The following LMBRD2 variants were observed in gnomAD, a reference collection of about 807,000 sequenced individuals.
The protein encoded by LMBRD2 is G protein-coupled receptor-associated protein LMBRD2.
A neutral mutation model predicts 94.4 loss-of-function variants in LMBRD2; 55 were observed. That is an observed-to-expected ratio of 0.58 (90% CI 0.47 to 0.73). The LOEUF (loss-of-function observed/expected upper bound fraction) is 0.73. Among genes scored for constraint, LMBRD2 ranks in the 30% least tolerant of loss-of-function variants. The pLI, the probability that LMBRD2 is intolerant of heterozygous loss-of-function variation, is 0.00. For synonymous variants in LMBRD2, 246 were observed against 272.4 expected (o/e 0.90, Z 0.95); for missense variants, 640 against 831.9 (o/e 0.77, Z 2.84).
At chr5:36,143,069 A>C (rs1014759457) in intron 2 of LMBRD2, 107 bp downstream of exon 2, 6 of 830,448 alleles carry the variant, frequency 7.2e-6, no homozygotes, top group Non-Finnish European at 1.1e-5. Context: ...TAATCTTTTA[A>C]TTCAAAACTG....
At position 36,137,290 on chromosome 5, in the gene LMBRD2, G is replaced by A; in HGVS notation, c.520C>T (p.His174Tyr). The change falls in exon 5 of 18, where the codon CAT (histidine) becomes TAT (tyrosine). Residue 174 changes from histidine (H) to tyrosine (Y), a missense_variant. By Grantham distance (83) the His-to-Tyr change is moderately conservative. This residue lies in a region of LMBRD2 where 457 missense variants were observed against 642.8 expected (regional missense o/e 0.71). Transcript: ENST00000296603. ...TTTTCTTACCATTCTAAATGTAAAT[G>A]TGGGTTTACAGCTACATAAATTAAA... ...AFLIYVAVNP[H>Y]LHLEWNQLQT... The A allele has an allele frequency of 1.3e-6, 2 of 1,584,760 alleles. No homozygotes were observed. Among genetic ancestry groups the A allele is most frequent in the Non-Finnish European group, 1.7e-6 (2 of 1,159,988 alleles).
In LMBRD2 at chr5:36,119,968, T is replaced by G. The variant is rs16902748; in HGVS notation, c.1121-2052A>C. ...TTGTCTTAGAAATTCTCTATTGTCT[T>G]ATCAAATTCTATGAATTTTTTCTTT... On this transcript the variant is annotated intron_variant, in intron 9 of 17. Coordinates refer to ENST00000296603, the MANE Select transcript of LMBRD2 (RefSeq NM_001007527.2). Among the ~76,000 whole-genome samples the G allele has an allele frequency of 8.2e-3, 1,244 of 152,272 alleles. 23 individuals carry two copies. The highest frequency in any genetic ancestry group is 0.029 in the African/African-American group (1,209 of 41,524).
At position 36,141,138 on chromosome 5, in the gene LMBRD2, C is replaced by T. The variant is rs1270352557; in HGVS notation, c.337G>A (p.Val113Ile). The T allele has an allele frequency of 1.2e-6, 2 of 1,608,838 alleles. No homozygotes were observed. Among genetic ancestry groups the T allele is most frequent in the South Asian group, 1.1e-5 (1 of 90,774 alleles). The part of the protein sequence containing the change: ...PDGIMPIFWR[V>I]VYWTSQFLTW... ...AAAAATTGTGACGTCCAATACACTA[C>T]CCTCCAGAAAATTGGCATGATTCCA... Residue 113 changes from valine (V) to isoleucine (I), a missense_variant, in exon 4 of 18, where the codon GTA becomes ATA. By Grantham distance (29) the Val-to-Ile change is conservative. This residue lies in a region of LMBRD2 where 457 missense variants were observed against 642.8 expected (regional missense o/e 0.71). Transcript: ENST00000296603.
At chr5:36,148,312 C>A (rs116377317) in intron 1 of LMBRD2, among the ~76,000 whole-genome samples, 83 of 151,592 alleles carry the variant, frequency 5.5e-4, no homozygotes, top group Non-Finnish European at 8.1e-4. Flanking sequence ...GCGAACCAAC[C>A]AGGTAACCTG....
chr5:36,104,297 C>T (rs141818179), intron 17 of LMBRD2, among the ~76,000 whole-genome samples, 191 bp from the exon 18 acceptor site: 172 of 151,934 alleles, frequency 1.1e-3, no homozygotes, highest in East Asian at 8.7e-3. Flanking sequence ...CAACCAGCAA[C>T]GGTTTTAGAC....
rs763778332 is a variant in LMBRD2 at position 36,122,871 on chromosome 5, T to G, written c.913A>C (p.Ser305Arg). ...ACCTGTTTATGCAGTTTTACCAGAC[T>G]TTTTTCACTTGGATAGATACTATGC... is the stretch of plus-strand genomic sequence containing the variant. ...EKHSIYPSEK[S>R]LVKLHKQVIY... The change falls in exon 8 of 18, where the codon AGT becomes CGT. Residue 305 changes from serine (S) to arginine (R), a missense_variant. Physicochemically the swap from Ser to Arg is moderately radical, Grantham distance 110. This residue lies in a region of LMBRD2 where 457 missense variants were observed against 642.8 expected (regional missense o/e 0.71). Coordinates refer to ENST00000296603, the MANE Select transcript of LMBRD2 (RefSeq NM_001007527.2). The G allele has an allele frequency of 1.9e-6, 3 of 1,595,106 alleles. No homozygotes were observed. Among genetic ancestry groups the G allele is most frequent in the East Asian group, 4.5e-5 (2 of 44,040 alleles).
At position 36,136,474 on chromosome 5, in the gene LMBRD2, A is replaced by G. The variant is rs756526842; in HGVS notation, c.582T>C (p.Gly194=). Residue 194 remains glycine (G), a synonymous_variant, in exon 6 of 18, where the codon GGT becomes GGC. Coordinates refer to ENST00000296603, the MANE Select transcript of LMBRD2 (RefSeq NM_001007527.2). The part of the protein sequence containing the change: ...TIGIAAANTW[G]LFLLVLLLGY... ...CCAACAACAACACAAGAAGAAACAG[A>G]CCCCATGTATTTGCAGCAGCTATCC... The G allele has an allele frequency of 1.2e-6, 2 of 1,613,852 alleles. No homozygotes were observed. Among genetic ancestry groups the G allele is most frequent in the Admixed American group, 1.7e-5 (1 of 59,968 alleles).
intron 6 of LMBRD2, among the ~76,000 whole-genome samples, chr5:36,129,038 T>C (rs1440872133): frequency 6.6e-6 from 1 of 152,096 alleles, no homozygotes; most frequent in African/African-American, 2.4e-5. Context: ...ACTTGAAAAT[T>C]TGGCTATTTG....
Position 36,099,079 on chromosome 5 carries a change from A to G in LMBRD2, c.*4967T>C, listed in dbSNP as rs1051987851. On this transcript the variant is annotated 3_prime_UTR_variant, in exon 18 of 18. Coordinates refer to ENST00000296603, the MANE Select transcript of LMBRD2 (RefSeq NM_001007527.2). Reference sequence around the variant, plus strand: ...GAAATTAGGTTTTTGGTATATTAATAATTTGCTTGTGTATTGGTATATATA... The same window carrying G: ...GAAATTAGGTTTTTGGTATATTAATGATTTGCTTGTGTATTGGTATATATA... 1 of 152,070 alleles carries G rather than the reference A, an allele frequency of 6.6e-6. No homozygotes were observed. The highest frequency in any genetic ancestry group is 2.4e-5 in the African/African-American group (1 of 41,446). The allele number at this position is 152,070 out of a possible 1,614,324, so 9.4% of individuals were successfully genotyped here.
rs1014516701 is a variant in LMBRD2 at position 36,100,718 on chromosome 5, C to G, written c.*3328G>C. 9.9e-5 allele frequency: 15 copies of G among 151,950 alleles called. No homozygotes were observed. Among genetic ancestry groups the G allele is most frequent in the Admixed American group, 6.6e-5 (1 of 15,224 alleles). 9.4% of individuals were successfully genotyped at this position (151,950 alleles called of 1,614,324 possible). On this transcript the variant is annotated 3_prime_UTR_variant, in exon 18 of 18. Transcript: ENST00000296603. ...TATACTTGTAATTTTTAGGCATAATCCACTCAAATCACAAGTAAGAAACTC... is the reference window on the plus strand; with the variant it reads ...TATACTTGTAATTTTTAGGCATAATGCACTCAAATCACAAGTAAGAAACTC...
At chr5:36,107,477 T>G (rs2111842181) in intron 16 of LMBRD2, among the ~76,000 whole-genome samples, 1 of 152,344 alleles carries the variant, frequency 6.6e-6, no homozygotes, top group South Asian at 2.1e-4. Flanking sequence ...AAATCATAGT[T>G]TTATGCCCAG....
Position 36,102,238 on chromosome 5 carries a change from A to G in LMBRD2, c.*1808T>C, listed in dbSNP as rs992669910. The G allele has an allele frequency of 1.4e-4, 21 of 151,916 alleles. No homozygotes were observed. Among genetic ancestry groups the G allele is most frequent in the Non-Finnish European group, 1.5e-5 (1 of 67,830 alleles). The allele number at this position is 151,916 out of a possible 1,614,324, so 9.4% of individuals were successfully genotyped here. A position where few individuals can be genotyped will look rare whatever the true frequency, so the allele number is the denominator to read the frequency against. On this transcript the variant is annotated 3_prime_UTR_variant, in exon 18 of 18. Transcript: ENST00000296603. ...CAGTTATAAACTCCAGTACATAAAC[A>G]CCAATTCAACTTCCTCACAATGGCT...
chr5:36,121,090 A>G (rs183230527), intron 9 of LMBRD2, among the ~76,000 whole-genome samples: 276 of 152,306 alleles, frequency 1.8e-3, no homozygotes, highest in African/African-American at 6.1e-3. Flanking sequence ...TTGAATTTCA[A>G]TTTCTATAAT....
intron 4 of LMBRD2, among the ~76,000 whole-genome samples, chr5:36,139,259 C>T (rs1228418293): frequency 6.6e-6 from 1 of 152,258 alleles, no homozygotes; most frequent in Non-Finnish European, 1.5e-5. Context: ...CAGGGCAGCA[C>T]TGACACCAGC....
intron 6 of LMBRD2, among the ~76,000 whole-genome samples, chr5:36,133,878 AT>A (rs1346935678): frequency 6.6e-6 from 1 of 152,176 alleles, no homozygotes; most frequent in Non-Finnish European, 1.5e-5. Flanking sequence ...TCTAGGGAAA[AT>A]CCATAACTCA....
At chr5:36,107,085 C>A (rs1360674179) in intron 16 of LMBRD2, among the ~76,000 whole-genome samples, 1 of 152,144 alleles carries the variant, frequency 6.6e-6, no homozygotes, top group Non-Finnish European at 1.5e-5. Flanking sequence ...AATCCCCAAG[C>A]TGAATTCCTT....
chr5:36,111,417 C>A (rs1743602878), intron 13 of LMBRD2, among the ~76,000 whole-genome samples, 159 bp from the exon 14 acceptor site: 1 of 152,014 alleles, frequency 6.6e-6, no homozygotes, highest in Admixed American at 6.6e-5. Flanking sequence ...TCAGGAAGTA[C>A]CACTTATCTC....
chr5:36,131,567 T>C (rs1333807325), intron 6 of LMBRD2, among the ~76,000 whole-genome samples: 1 of 152,112 alleles, frequency 6.6e-6, no homozygotes, highest in Non-Finnish European at 1.5e-5. Context: ...AGGTGATAAA[T>C]CTCACATTTG....
Position 36,137,293 on chromosome 5 carries a change from G to A in LMBRD2, c.517C>T (p.Pro173Ser). The A allele has an allele frequency of 6.3e-7, 1 of 1,589,858 alleles. No individual in the cohort carries two copies. Among genetic ancestry groups the A allele is most frequent in the Non-Finnish European group, 8.6e-7 (1 of 1,163,406 alleles). Residue 173 changes from proline to serine, a missense_variant, in exon 5 of 18, where the codon CCA becomes TCA. Coordinates refer to ENST00000296603, the MANE Select transcript of LMBRD2 (RefSeq NM_001007527.2). ...GAFLIYVAVN[P>S]HLHLEWNQLQ... ...TCTTACCATTCTAAATGTAAATGTGGGTTTACAGCTACATAAATTAAAAAT... is the reference window on the plus strand; with the variant it reads ...TCTTACCATTCTAAATGTAAATGTGAGTTTACAGCTACATAAATTAAAAAT...
Sources: gnomAD v4.1 joint callset for allele counts (sites outside exome capture counted in the v4.1 genomes callset) on GRCh38, gnomAD v4.1.1 for gene constraint, gnomAD v4.1.1 regional missense constraint, MANE v1.5 for transcripts, NCBI Gene and HGNC (gene_info 2026-07-23, HGNC 2026-07-21) for gene names.